Variants in KSR1 observed in about 807,000 individuals in gnomAD.
KSR1 encodes kinase suppressor of ras 1.
Under a neutral mutation model 92.9 loss-of-function variants are expected in KSR1, and 35 were observed. The observed-to-expected ratio is 0.38, with a 90% CI of 0.29 to 0.50. The LOEUF is 0.50. Ranked by LOEUF, KSR1 falls within the 20% of genes least tolerant of loss-of-function variation. The pLI is 0.94. For missense variants in KSR1, 972 were observed against 1,158.5 expected (o/e 0.84, Z 2.34); for synonymous variants, 467 against 472.6 (o/e 0.99, Z 0.15).
Position 27,459,310 on chromosome 17 carries a change from T to C in KSR1, c.231+2436T>C, listed in dbSNP as rs1311268233. Among the ~76,000 whole-genome samples, 3 of 152,256 alleles carry C rather than the reference T, an allele frequency of 2.0e-5. No homozygotes were observed. Among genetic ancestry groups the C allele is most frequent in the Non-Finnish European group, 4.4e-5 (3 of 68,042 alleles). On this transcript the variant is annotated intron_variant, in intron 1 of 20. Coordinates refer to ENST00000644974, the MANE Select transcript of KSR1 (RefSeq NM_001394583.1). This position sits in a 1 kb window ranked among gnomAD's most constrained non-coding sequence, Gnocchi z 4.6. ...CCTAGTGAGGGTCCAGTAGCATTTA[T>C]GGCACAGGCCACCACTAGGGAAACT...
chr17:27,609,710 CA>C, intron 16 of KSR1: 1 of 334,474 alleles, frequency 3.0e-6, no homozygotes, highest in Non-Finnish European at 5.5e-6. Flanking sequence ...AGCATGGCAG[CA>C]AGGCTGCAAG....
chr17:27,592,421 A>G lies in KSR1; in HGVS notation c.1191A>G (p.Pro397=), dbSNP rs763439549. The G allele has an allele frequency of 1.1e-5, 18 of 1,613,930 alleles. 1 individual carries two copies. In the South Asian group the frequency reaches 2.0e-4, roughly 18 times the overall value. The part of the protein sequence containing the change: ...EAPACRISFL[P]LTRLRRTESV... ...CTGCCTGTAGAATATCCTTCCTGCC[A>G]CGTGAGTTTTCTGCCTTCCTCTCCT... Residue 397 remains proline (P), a splice_region_variant and synonymous_variant, in exon 8 of 21, where the codon CCA becomes CCG. Transcript: ENST00000644974.
intron 1 of KSR1, among the ~76,000 whole-genome samples, chr17:27,500,548 ATGTTC>A (rs1457980489): frequency 9.2e-5 from 14 of 152,210 alleles, no homozygotes; most frequent in African/African-American, 3.4e-4. Flanking sequence ...TGAGATGTTC[ATGTTC>A]TGTTCTGGGT....
intron 1 of KSR1, among the ~76,000 whole-genome samples, chr17:27,514,488 G>A (rs35923736): frequency 1.4e-3 from 214 of 152,104 alleles, no homozygotes; most frequent in Non-Finnish European, 2.2e-3. Context: ...GTGAAACCCC[G>A]TCTCTATTAA....
chr17:27,591,466 A>G (rs558338994), intron 7 of KSR1, among the ~76,000 whole-genome samples: 2 of 152,236 alleles, frequency 1.3e-5, no homozygotes, highest in South Asian at 4.1e-4. Flanking sequence ...CTGCCCCTGC[A>G]TTGCTGTGTG....
chr17:27,561,325 G>A (rs1405693050), intron 2 of KSR1, among the ~76,000 whole-genome samples: 1 of 152,192 alleles, frequency 6.6e-6, no homozygotes, highest in African/African-American at 2.4e-5. Flanking sequence ...GTGCACGTGT[G>A]TCTCTCTCTT....
At chr17:27,560,694 C>A (rs573310825) in intron 2 of KSR1, among the ~76,000 whole-genome samples, 2 of 152,218 alleles carry the variant, frequency 1.3e-5, no homozygotes, top group Non-Finnish European at 2.9e-5. Flanking sequence ...GAAAGCGAAC[C>A]CGCATTTGGC....
In KSR1 at chr17:27,609,310, G is replaced by A; in HGVS notation, c.2206G>A (p.Gly736Ser). The A allele has an allele frequency of 6.2e-7, 1 of 1,614,006 alleles. No homozygotes were observed. The highest frequency in any genetic ancestry group is 8.5e-7 in the Non-Finnish European group (1 of 1,179,886). Reference protein sequence around the residue: ...ITDFGLFGISGVVREGRRENQ... With the variant: ...ITDFGLFGISSVVREGRRENQ... ...AGACTTCGGGCTGTTTGGGATCTCA[G>A]GCGTGGTCCGAGAGGGACGGTGAGT... is the stretch of plus-strand genomic sequence containing the variant. The change falls in exon 16 of 21, where the codon GGC (glycine) becomes AGC (serine). Residue 736 changes from glycine to serine, a missense_variant. Physicochemically the swap from Gly to Ser is moderately conservative, Grantham distance 56. Transcript: ENST00000644974.
intron 1 of KSR1, among the ~76,000 whole-genome samples, chr17:27,516,299 T>C (rs1202743344): frequency 1.3e-5 from 2 of 152,224 alleles, no homozygotes; most frequent in Non-Finnish European, 2.9e-5. Context: ...TCAAAAAAGC[T>C]ATTATCATTA....
chr17:27,580,844 G>C (rs1355095814), intron 3 of KSR1, among the ~76,000 whole-genome samples: 1 of 152,102 alleles, frequency 6.6e-6, no homozygotes, highest in African/African-American at 2.4e-5. Context: ...TTGGCTCACT[G>C]CAACCTCTGC....
At chr17:27,575,663 G>T (rs1007925182) in intron 2 of KSR1, among the ~76,000 whole-genome samples, 1 of 152,186 alleles carries the variant, frequency 6.6e-6, no homozygotes, top group African/African-American at 2.4e-5. Flanking sequence ...AATGGCTCTG[G>T]TTCCAGTGCC....
chr17:27,493,464 G>A (rs899339138), intron 1 of KSR1, among the ~76,000 whole-genome samples: 5 of 152,146 alleles, frequency 3.3e-5, no homozygotes, highest in South Asian at 2.1e-4. Flanking sequence ...GATCAGCTCC[G>A]TATAATGTTT....
chr17:27,488,701 C>G (rs1311003067), intron 1 of KSR1, among the ~76,000 whole-genome samples: 1 of 152,130 alleles, frequency 6.6e-6, no homozygotes, highest in Non-Finnish European at 1.5e-5. Flanking sequence ...CGCAGTGGCT[C>G]ACGCCTGTAA....
intron 1 of KSR1, among the ~76,000 whole-genome samples, chr17:27,493,611 C>T (rs1157686577): frequency 1.2e-4 from 19 of 152,132 alleles, no homozygotes; most frequent in African/African-American, 4.3e-4. Context: ...CTTAATCTGC[C>T]CTTTTAACAA....
intron 2 of KSR1, among the ~76,000 whole-genome samples, chr17:27,553,465 C>T (rs2071475721): frequency 6.6e-6 from 1 of 152,196 alleles, no homozygotes; most frequent in Non-Finnish European, 1.5e-5. Flanking sequence ...AGAGCTGGGC[C>T]AAGTGTCCTC....
chr17:27,478,956 T>TCATGCTCCTCCCTCCTTC (rs2068425753), intron 1 of KSR1, among the ~76,000 whole-genome samples: 2 of 107,628 alleles, frequency 1.9e-5, no homozygotes, highest in Admixed American at 9.0e-5. Flanking sequence ...CTCCCTCCAT[T>TCATGCTCCTCCCTCCTTC]CATGCTCCTC....
At chr17:27,526,094 T>TTCTTTCTCTCTCTCTTTCTTTC (rs55706224) in intron 1 of KSR1, among the ~76,000 whole-genome samples, 1 of 118,402 alleles carries the variant, frequency 8.4e-6, no homozygotes, top group Non-Finnish European at 1.7e-5. Flanking sequence ...CTTTCTTTCT[T>TTCTTTCTCTCTCTCTTTCTTTC]TCTCTCTCTC....
chr17:27,547,933 G>C (rs9915237), intron 1 of KSR1, among the ~76,000 whole-genome samples: 1 of 151,784 alleles, frequency 6.6e-6, no homozygotes, highest in Non-Finnish European at 1.5e-5. Context: ...GGCTGGTCTC[G>C]AACCTCTGAT....
At chr17:27,474,155 A>G (rs543014689) in intron 1 of KSR1, among the ~76,000 whole-genome samples, 1 of 152,324 alleles carries the variant, frequency 6.6e-6, no homozygotes, top group African/African-American at 2.4e-5. Flanking sequence ...CCTTGTCTCA[A>G]GCATCTAACA....
Sources: gnomAD v4.1 joint callset for allele counts (sites outside exome capture counted in the v4.1 genomes callset) on GRCh38, gnomAD v4.1.1 for gene constraint, Gnocchi (gnomAD v3.1) non-coding constraint, MANE v1.5 for transcripts, NCBI Gene and HGNC (gene_info 2026-07-23, HGNC 2026-07-21) for gene names.